Variants in NAALADL2 observed in about 807,000 individuals in gnomAD.
NAALADL2 encodes inactive N-acetylated-alpha-linked acidic dipeptidase-like protein 2.
NAALADL2 carries 76 observed loss-of-function variants against 87.2 expected under a neutral mutation model. The ratio of observed to expected loss-of-function variants is 0.87; its 90% CI spans 0.72 to 1.05. The LOEUF is 1.05. Ranked by LOEUF, NAALADL2 falls within the 50% of genes least tolerant of loss-of-function variation. The probability of loss-of-function intolerance (pLI) is 0.00; values close to 1 mark genes in which losing one functional copy is unlikely to be tolerated. For synonymous variants in NAALADL2, 354 were observed against 331.0 expected (o/e 1.07, Z -0.75); for missense variants, 1,089 against 945.8 (o/e 1.15, Z -1.99).
chr3:175,218,856 A>G (rs1477466256), intron 2 of NAALADL2, among the ~76,000 whole-genome samples: 2 of 151,388 alleles, frequency 1.3e-5, no homozygotes, highest in African/African-American at 4.9e-5. Flanking sequence ...CCCAGGCTGG[A>G]GTGCAATCGC....
chr3:175,052,774 G>A (rs1166022667), intron 1 of NAALADL2, among the ~76,000 whole-genome samples: 2 of 152,094 alleles, frequency 1.3e-5, no homozygotes, highest in South Asian at 2.1e-4. Context: ...GCTGTTAATA[G>A]TTTCCACAAA....
intron 11 of NAALADL2, among the ~76,000 whole-genome samples, chr3:175,730,816 T>G (rs1403961475): frequency 6.6e-6 from 1 of 152,030 alleles, no homozygotes; most frequent in Non-Finnish European, 1.5e-5. Flanking sequence ...CAGAGAATAA[T>G]GGAAAAGGAA....
intron 6 of NAALADL2, among the ~76,000 whole-genome samples, chr3:175,448,564 T>C (rs1388243043): frequency 4.6e-5 from 7 of 152,204 alleles, no homozygotes; most frequent in Admixed American, 4.6e-4. Flanking sequence ...GCTAGCTCCA[T>C]GCCCTCCCCT....
intron 3 of NAALADL2, among the ~76,000 whole-genome samples, chr3:175,253,337 C>T (rs1413835817): frequency 6.6e-6 from 1 of 152,144 alleles, no homozygotes; most frequent in Admixed American, 6.5e-5. Flanking sequence ...ACAACAAAGA[C>T]TGGATAACAG....
chr3:174,770,839 C>T (rs987293846), intron 3 of NAALADL2, among the ~76,000 whole-genome samples: 4 of 133,318 alleles, frequency 3.0e-5, no homozygotes, highest in Admixed American at 7.8e-5. Context: ...CAGCAAGACT[C>T]GGTCTAACAA....
chr3:175,623,675 G>A (rs982192136), intron 10 of NAALADL2, among the ~76,000 whole-genome samples: 2 of 151,992 alleles, frequency 1.3e-5, no homozygotes, highest in African/African-American at 2.4e-5. Flanking sequence ...GAGCTACACA[G>A]CTACAACTAA....
intron 2 of NAALADL2, among the ~76,000 whole-genome samples, chr3:175,175,359 T>C (rs1443993357): frequency 6.6e-6 from 1 of 152,058 alleles, no homozygotes; most frequent in African/African-American, 2.4e-5. Flanking sequence ...AAATACCTAT[T>C]TTCAGTATTA....
intron 10 of NAALADL2, among the ~76,000 whole-genome samples, chr3:175,617,432 T>C (rs1455768525): frequency 6.6e-6 from 1 of 152,146 alleles, no homozygotes; most frequent in Non-Finnish European, 1.5e-5. Context: ...GTTGTCCCCA[T>C]CACAGATTGG....
intron 1 of NAALADL2, among the ~76,000 whole-genome samples, chr3:174,940,429 T>G (rs1417653099): frequency 6.6e-6 from 1 of 152,184 alleles, no homozygotes; most frequent in African/African-American, 2.4e-5. Flanking sequence ...TTGTCAAGAA[T>G]TTTTGCATCT....
chr3:175,647,698 G>A (rs1730204225), intron 11 of NAALADL2, among the ~76,000 whole-genome samples: 1 of 152,116 alleles, frequency 6.6e-6, no homozygotes, highest in African/African-American at 2.4e-5. Flanking sequence ...ATGATTTCAG[G>A]TAATGTTTGT....
intron 2 of NAALADL2, among the ~76,000 whole-genome samples, chr3:174,697,423 T>C (rs1729127561): frequency 6.6e-6 from 1 of 152,164 alleles, no homozygotes; most frequent in Admixed American, 6.5e-5. Context: ...GAAGACCTAA[T>C]GGAGATAAAT....
At chr3:175,592,124 C>T (rs1421111946) in intron 10 of NAALADL2, among the ~76,000 whole-genome samples, 1 of 151,812 alleles carries the variant, frequency 6.6e-6, no homozygotes, top group Non-Finnish European at 1.5e-5. Context: ...GATTGGCTAC[C>T]CATAGAATTC....
intron 2 of NAALADL2, among the ~76,000 whole-genome samples, chr3:174,693,024 TG>T (rs1407647259): frequency 6.8e-6 from 1 of 147,240 alleles, no homozygotes; most frequent in East Asian, 2.0e-4. Flanking sequence ...TTAATTCCTC[TG>T]TATCACTTTA....
intron 4 of NAALADL2, among the ~76,000 whole-genome samples, chr3:175,267,611 A>G (rs2109971710): frequency 6.6e-6 from 1 of 152,210 alleles, no homozygotes; most frequent in South Asian, 2.1e-4. Flanking sequence ...ACATTGGAAA[A>G]TGGGTGAGAA....
At chr3:175,131,814 C>CA (rs1560067917) in intron 2 of NAALADL2, among the ~76,000 whole-genome samples, 4 of 134,034 alleles carry the variant, frequency 3.0e-5, no homozygotes, top group South Asian at 2.5e-4. Context: ...CCTGGCCGGG[C>CA]GGGGGGCTGA....
intron 5 of NAALADL2, among the ~76,000 whole-genome samples, chr3:175,370,390 T>C (rs1278689823): frequency 6.6e-6 from 1 of 151,956 alleles, no homozygotes; most frequent in African/African-American, 2.4e-5. Flanking sequence ...TTGTGAACCA[T>C]AAAACCCCAT....
chr3:174,675,178 G>A (rs866293707), intron 2 of NAALADL2, among the ~76,000 whole-genome samples: 1 of 151,936 alleles, frequency 6.6e-6, no homozygotes, highest in South Asian at 2.1e-4. Flanking sequence ...GCAACTTTTG[G>A]AAATAAGTAT....
chr3:174,894,949 C>T (rs182642451), intron 1 of NAALADL2, among the ~76,000 whole-genome samples: 31 of 151,836 alleles, frequency 2.0e-4, no homozygotes, highest in Admixed American at 2.0e-3. Context: ...ATAAAGAAAT[C>T]AAGAAGGAAA....
At chr3:175,398,882 C>T (rs548108035) in intron 5 of NAALADL2, among the ~76,000 whole-genome samples, 5 of 151,484 alleles carry the variant, frequency 3.3e-5, no homozygotes, top group South Asian at 2.1e-4. Flanking sequence ...TTGGATCTTG[C>T]GCAAGAAAGA....
Sources: allele counts gnomAD v4.1 joint callset (sites outside exome capture counted in the v4.1 genomes callset), GRCh38; gene constraint gnomAD v4.1.1; transcripts MANE v1.5; gene names NCBI Gene and HGNC (gene_info 2026-07-23, HGNC 2026-07-21).